Variants in PRDM5 observed in about 807,000 individuals in gnomAD.
PRDM5 encodes the protein PR domain zinc finger protein 5.
In PRDM5, 56 loss-of-function variants were observed where a neutral mutation model predicts 81.2. The observed-to-expected ratio is 0.69, with a 90% CI of 0.56 to 0.86. The LOEUF (loss-of-function observed/expected upper bound fraction) is 0.86. PRDM5 is among the 40% of genes least tolerant of loss of function. The pLI, the probability that PRDM5 is intolerant of heterozygous loss-of-function variation, is 0.00. For missense variants in PRDM5, 697 were observed against 770.1 expected (o/e 0.91, Z 1.12); for synonymous variants, 267 against 256.4 (o/e 1.04, Z -0.39).
At chr4:120,903,602 G>A (rs1765439391) in intron 2 of PRDM5, among the ~76,000 whole-genome samples, 1 of 152,168 alleles carries the variant, frequency 6.6e-6, no homozygotes, top group African/African-American at 2.4e-5. Flanking sequence ...GCAGAGCAGG[G>A]AATGGCTGAT....
intron 1 of PRDM5, among the ~76,000 whole-genome samples, chr4:120,917,923 T>G (rs990849574): frequency 1.3e-5 from 2 of 152,212 alleles, no homozygotes; most frequent in East Asian, 1.9e-4. Flanking sequence ...AATCCACTTA[T>G]GACTGATGTA....
intron 14 of PRDM5, among the ~76,000 whole-genome samples, chr4:120,716,099 T>G (rs1226794624): frequency 6.6e-6 from 1 of 152,158 alleles, no homozygotes; most frequent in Non-Finnish European, 1.5e-5. Flanking sequence ...AATCATTGCT[T>G]TAGCTGAATA....
At chr4:120,723,590 G>A (rs1738943234) in intron 14 of PRDM5, among the ~76,000 whole-genome samples, 2 of 151,930 alleles carry the variant, frequency 1.3e-5, no homozygotes, top group Admixed American at 1.3e-4. Context: ...AATGCAAATT[G>A]TAAAGAAAAT....
chr4:120,747,446 A>T (rs566951019), intron 14 of PRDM5, among the ~76,000 whole-genome samples: 47 of 152,178 alleles, frequency 3.1e-4, no homozygotes, highest in African/African-American at 9.9e-4. Flanking sequence ...ATAAAAAAAT[A>T]AAAAATTAAA....
chr4:120,915,964 AAGAACAAG>A (rs949110830), intron 1 of PRDM5, among the ~76,000 whole-genome samples: 1 of 152,196 alleles, frequency 6.6e-6, no homozygotes, highest in Non-Finnish European at 1.5e-5. Flanking sequence ...CTGTGGGGAG[AAGAACAAG>A]AGCAGGGCAG....
intron 10 of PRDM5, among the ~76,000 whole-genome samples, chr4:120,797,590 C>T (rs1428756516): frequency 2.0e-5 from 3 of 152,102 alleles, no homozygotes; most frequent in East Asian, 1.9e-4. Flanking sequence ...TAATTACATG[C>T]TTTTGTCATT....
At chr4:120,871,816 T>C (rs1172847663) in intron 2 of PRDM5, among the ~76,000 whole-genome samples, 2 of 151,690 alleles carry the variant, frequency 1.3e-5, no homozygotes, top group Admixed American at 6.6e-5. Context: ...AATTGGAACT[T>C]CTGTGCCATG....
At chr4:120,850,882 T>C (rs1299078726) in intron 3 of PRDM5, among the ~76,000 whole-genome samples, 1 of 152,142 alleles carries the variant, frequency 6.6e-6, no homozygotes. Context: ...TCTTAGACAA[T>C]GTGATTACTG....
chr4:120,853,372 T>TC, intron 3 of PRDM5, 46 bp downstream of exon 3: 2 of 1,612,442 alleles, frequency 1.2e-6, no homozygotes, highest in Non-Finnish European at 1.7e-6. Flanking sequence ...TATTAATTCA[T>TC]CCCCCCTCAC....
chr4:120,800,353 A>T (rs1345653159), intron 8 of PRDM5, among the ~76,000 whole-genome samples: 1 of 151,888 alleles, frequency 6.6e-6, no homozygotes, highest in Non-Finnish European at 1.5e-5. Flanking sequence ...TCGTCCCTAC[A>T]AAAAATTTTA....
chr4:120,798,879 G>A (rs746122856), intron 9 of PRDM5, among the ~76,000 whole-genome samples: 11 of 152,050 alleles, frequency 7.2e-5, no homozygotes, highest in Non-Finnish European at 1.3e-4. Context: ...TGTAAAATTC[G>A]TATTTATGCA....
chr4:120,776,557 T>C (rs1748181854), intron 13 of PRDM5, among the ~76,000 whole-genome samples: 1 of 152,162 alleles, frequency 6.6e-6, no homozygotes, highest in Non-Finnish European at 1.5e-5. Context: ...TCAATATTAA[T>C]AGTATTCTTT....
chr4:120,782,105 A>T (rs1578712443), intron 11 of PRDM5, among the ~76,000 whole-genome samples: 1 of 152,170 alleles, frequency 6.6e-6, no homozygotes, highest in Non-Finnish European at 1.5e-5. Context: ...ACATGGGCCT[A>T]AGTTTTAGTG....
chr4:120,799,580 C>T (rs1578780316), intron 9 of PRDM5, 81 bp downstream of exon 9: 1 of 1,546,076 alleles, frequency 6.5e-7, no homozygotes, highest in East Asian at 2.4e-5. Context: ...CCCCTGATTA[C>T]CACTCTTAGA....
At chr4:120,733,892 T>TAAAAAAAA (rs60786051) in intron 14 of PRDM5, among the ~76,000 whole-genome samples, 2 of 132,286 alleles carry the variant, frequency 1.5e-5, no homozygotes, top group African/African-American at 2.8e-5. Flanking sequence ...GACACAAAAG[T>TAAAAAAAA]AAAAAAAAAA....
intron 2 of PRDM5, among the ~76,000 whole-genome samples, chr4:120,894,887 C>T (rs1390253210): frequency 1.3e-5 from 2 of 152,122 alleles, no homozygotes; most frequent in African/African-American, 4.8e-5. Context: ...AAGAAGAAGC[C>T]ATGTCACCAA....
At chr4:120,887,258 AAT>A (rs1763539323) in intron 2 of PRDM5, among the ~76,000 whole-genome samples, 1 of 151,640 alleles carries the variant, frequency 6.6e-6, no homozygotes, top group African/African-American at 2.4e-5. Context: ...CTTCTCTTTC[AAT>A]ACACAATCCA....
chr4:120,710,757 G>T (rs1325722606), intron 14 of PRDM5, among the ~76,000 whole-genome samples: 1 of 151,994 alleles, frequency 6.6e-6, no homozygotes, highest in East Asian at 1.9e-4. Flanking sequence ...TGTGAAGAAG[G>T]ATGAGTGAGC....
intron 13 of PRDM5, among the ~76,000 whole-genome samples, chr4:120,774,502 A>T (rs1404620944): frequency 1.3e-5 from 2 of 152,248 alleles, no homozygotes; most frequent in Non-Finnish European, 2.9e-5. Flanking sequence ...TGATTACTGA[A>T]CCAGGCTGTA....
Sources: allele counts gnomAD v4.1 joint callset (sites outside exome capture counted in the v4.1 genomes callset), GRCh38; gene constraint gnomAD v4.1.1; transcripts MANE v1.5; gene names NCBI Gene and HGNC (gene_info 2026-07-23, HGNC 2026-07-21).